The following PLD5 variants were observed in gnomAD, a reference collection of about 807,000 sequenced individuals.
PLD5 encodes phospholipase D family member 5.
PLD5 carries 36 observed loss-of-function variants against 61.1 expected under a neutral mutation model. That is an observed-to-expected ratio of 0.59 (90% CI 0.45 to 0.78). The LOEUF (loss-of-function observed/expected upper bound fraction) is 0.78, where lower values mean the gene tolerates loss of function less well. PLD5 is among the 30% of genes least tolerant of loss of function. The probability of loss-of-function intolerance (pLI) is 0.00; values close to 1 mark genes in which losing one functional copy is unlikely to be tolerated. For synonymous variants in PLD5, 243 were observed against 242.8 expected, an observed-to-expected ratio of 1.00 and a Z score of -0.01; for missense variants, 515 against 644.4, an observed-to-expected ratio of 0.80 and a Z score of 2.17.
intron 4 of PLD5, among the ~76,000 whole-genome samples, chr1:242,225,810 G>A (rs967084440): frequency 2.0e-5 from 3 of 152,234 alleles, no homozygotes; most frequent in Non-Finnish European, 4.4e-5. Flanking sequence ...TCCACTTACT[G>A]GTGATGACAA....
rs1442254496 is a variant in PLD5, at chr1:242,252,963, CA to C, written c.607+12373del. ...TCCCGAGTAGCTGGGATTACAGGTGCACACCACCAAGCCCGGCTAATTTTTG... is the reference window on the plus strand; with the variant it reads ...TCCCGAGTAGCTGGGATTACAGGTGCCACCACCAAGCCCGGCTAATTTTTG... On this transcript the variant is annotated intron_variant, in intron 4 of 9. Coordinates refer to ENST00000536534, the MANE Select transcript of PLD5 (RefSeq NM_001372062.1). 2.5e-4 allele frequency among the ~76,000 whole-genome samples: 38 copies of C among 151,712 alleles called. No homozygotes were observed. In the East Asian group the frequency reaches 5.7e-3, roughly 23 times the overall value.
At chr1:242,155,430 A>T (rs1665277829) in intron 5 of PLD5, among the ~76,000 whole-genome samples, 1 of 151,832 alleles carries the variant, frequency 6.6e-6, no homozygotes, top group South Asian at 2.1e-4. Context: ...TAGTTCTTTT[A>T]ATTGTGATGT....
At chr1:242,491,616 T>G (rs991569698) in intron 1 of PLD5, among the ~76,000 whole-genome samples, 1 of 152,224 alleles carries the variant, frequency 6.6e-6, no homozygotes, top group African/African-American at 2.4e-5. Flanking sequence ...AAAGAAAATT[T>G]TCCAGATATC....
chr1:242,186,235 T>C (rs1221656488), intron 5 of PLD5, among the ~76,000 whole-genome samples: 1 of 151,826 alleles, frequency 6.6e-6, no homozygotes, highest in African/African-American at 2.4e-5. Flanking sequence ...CAGGCTGGAG[T>C]GCAGTGGTAT....
chr1:242,200,284 G>A (rs1668903287), intron 5 of PLD5, among the ~76,000 whole-genome samples: 1 of 152,138 alleles, frequency 6.6e-6, no homozygotes, highest in African/African-American at 2.4e-5. Flanking sequence ...CCTGCCTTGT[G>A]GACAGCTCTC....
chr1:242,457,835 TG>T (rs973912672), intron 1 of PLD5, among the ~76,000 whole-genome samples: 1 of 152,152 alleles, frequency 6.6e-6, no homozygotes, highest in Non-Finnish European at 1.5e-5. Flanking sequence ...CTATACATAT[TG>T]GGCCTATATT....
At chr1:242,480,075 G>A (rs1208021141) in intron 1 of PLD5, among the ~76,000 whole-genome samples, 1 of 151,352 alleles carries the variant, frequency 6.6e-6, no homozygotes, top group African/African-American at 2.4e-5. Flanking sequence ...AAAAAAAAAG[G>A]AAAAAAGAAA....
chr1:242,475,437 A>G (rs550965021), intron 1 of PLD5, among the ~76,000 whole-genome samples: 14 of 151,510 alleles, frequency 9.2e-5, no homozygotes, highest in Admixed American at 3.3e-4. Flanking sequence ...AAAAAAAAAA[A>G]AAAAGAAAAC....
At chr1:242,419,747 G>T (rs1050469715) in intron 1 of PLD5, among the ~76,000 whole-genome samples, 1 of 151,858 alleles carries the variant, frequency 6.6e-6, no homozygotes, top group Admixed American at 6.6e-5. Flanking sequence ...GAGAAGTAAA[G>T]GTCTAGGGCT....
rs201142816 is a variant in PLD5 at position 242,443,821 on chromosome 1, TA to T, written c.189+80266del. Among the ~76,000 whole-genome samples, 1,507 of 152,312 alleles carry T rather than the reference TA, an allele frequency of 9.9e-3. 74 individuals are homozygous for T. Among genetic ancestry groups the T allele is most frequent in the Admixed American group, 0.085 (1,305 of 15,290 alleles). On this transcript the variant is annotated intron_variant, in intron 1 of 9. Coordinates refer to ENST00000536534, the MANE Select transcript of PLD5 (RefSeq NM_001372062.1). ...CCAGAGACTTCCTCCATCTCAAACC[TA>T]TTTAATTTCTAGGCAATGCAGCTAA...
intron 6 of PLD5, among the ~76,000 whole-genome samples, chr1:242,116,068 A>AG (rs11387738): frequency 1 from 151,926 of 152,288 alleles, 75,784 homozygotes; most frequent in East Asian, 1. Flanking sequence ...AAATAATGCC[A>AG]GGGCATTATA....
intron 4 of PLD5, among the ~76,000 whole-genome samples, chr1:242,253,528 T>A (rs977535726): frequency 2.2e-4 from 34 of 151,788 alleles, no homozygotes; most frequent in African/African-American, 8.2e-4. Flanking sequence ...TTAGCCAGGA[T>A]GGTCTCGATC....
intron 1 of PLD5, among the ~76,000 whole-genome samples, chr1:242,418,849 A>G (rs1363914293): frequency 6.6e-6 from 1 of 152,226 alleles, no homozygotes; most frequent in East Asian, 1.9e-4. Flanking sequence ...GGTCCAGAGA[A>G]TAGGTTTCCT....
intron 1 of PLD5, among the ~76,000 whole-genome samples, chr1:242,487,132 AG>A (rs1179184053): frequency 2.6e-5 from 4 of 152,192 alleles, no homozygotes; most frequent in African/African-American, 9.7e-5. Context: ...TAATGGGTGC[AG>A]CACACCAACA....
upstream of PLD5, among the ~76,000 whole-genome samples, chr1:242,528,151 C>T (rs1268812499): frequency 6.6e-6 from 1 of 152,142 alleles, no homozygotes; most frequent in African/African-American, 2.4e-5. Context: ...GTACTAGATC[C>T]TTTAATTACT....
intron 5 of PLD5, among the ~76,000 whole-genome samples, chr1:242,204,561 C>T (rs1026899066): frequency 5.9e-5 from 9 of 152,018 alleles, no homozygotes; most frequent in Non-Finnish European, 8.8e-5. Flanking sequence ...TCTGGCATTC[C>T]CCTGATCTAG....
At chr1:242,314,714 G>T (rs1309757032) in intron 2 of PLD5, among the ~76,000 whole-genome samples, 3 of 151,880 alleles carry the variant, frequency 2.0e-5, no homozygotes, top group Admixed American at 2.0e-4. Flanking sequence ...GGAGTATTGG[G>T]TGCCTCTAAA....
intron 7 of PLD5, among the ~76,000 whole-genome samples, chr1:242,112,035 G>A (rs534167505): frequency 2.6e-5 from 4 of 152,186 alleles, no homozygotes; most frequent in Admixed American, 2.6e-4. Context: ...CAAAGGTTTT[G>A]TCAATCCTGA....
chr1:242,276,032 T>C (rs956768569), intron 3 of PLD5, among the ~76,000 whole-genome samples: 3 of 152,050 alleles, frequency 2.0e-5, no homozygotes, highest in Non-Finnish European at 4.4e-5. Context: ...GAAGTATCAA[T>C]TGCAATGAAA....
Sources: allele counts gnomAD v4.1 joint callset (sites outside exome capture counted in the v4.1 genomes callset), GRCh38; gene constraint gnomAD v4.1.1; transcripts MANE v1.5; gene names NCBI Gene and HGNC (gene_info 2026-07-23, HGNC 2026-07-21).